Variants in NCKAP5 observed in about 807,000 individuals in gnomAD.
NCKAP5 encodes nck-associated protein 5.
A neutral mutation model predicts 167.0 loss-of-function variants in NCKAP5; 92 were observed. That is an observed-to-expected ratio of 0.55 (90% CI 0.47 to 0.66). The LOEUF is 0.66. NCKAP5 is among the 30% of genes least tolerant of loss of function. The pLI is 0.00. For synonymous variants in NCKAP5, 891 were observed against 877.4 expected (o/e 1.02, Z -0.27); for missense variants, 2,378 against 2,315.0 (o/e 1.03, Z -0.56).
intron 19 of NCKAP5, among the ~76,000 whole-genome samples, chr2:132,717,462 CT>C (rs1175207320): frequency 6.6e-6 from 1 of 152,166 alleles, no homozygotes; most frequent in East Asian, 1.9e-4. Flanking sequence ...ATAGATGCAA[CT>C]TTGTGTGAAT....
At chr2:133,094,094 T>G (rs2081273327) in intron 6 of NCKAP5, among the ~76,000 whole-genome samples, 1 of 152,222 alleles carries the variant, frequency 6.6e-6, no homozygotes, top group Non-Finnish European at 1.5e-5. Flanking sequence ...CAATGGCTAT[T>G]TGCCAAGCAA....
At chr2:133,220,683 TA>T (rs968605522) in intron 4 of NCKAP5, among the ~76,000 whole-genome samples, 2 of 151,130 alleles carry the variant, frequency 1.3e-5, no homozygotes, top group African/African-American at 2.4e-5. Context: ...TTTGCATGTT[TA>T]AAAAAAAAGC....
intron 12 of NCKAP5, among the ~76,000 whole-genome samples, chr2:132,794,006 G>A (rs921005130): frequency 4.0e-5 from 6 of 151,398 alleles, no homozygotes; most frequent in African/African-American, 1.5e-4. Flanking sequence ...GAACTCCAAG[G>A]CCATTTATGA....
At chr2:132,820,491 G>A (rs1036338230) in intron 11 of NCKAP5, among the ~76,000 whole-genome samples, 1 of 151,922 alleles carries the variant, frequency 6.6e-6, no homozygotes, top group African/African-American at 2.4e-5. Flanking sequence ...GCCTCCCAAA[G>A]TGCTGGGATT....
intron 3 of NCKAP5, among the ~76,000 whole-genome samples, chr2:133,319,361 T>C (rs888254222): frequency 1.2e-4 from 19 of 152,314 alleles, no homozygotes; most frequent in African/African-American, 4.3e-4. Context: ...GCTGCCCTGC[T>C]GTGAAGCCTA....
rs771116757 is a variant in NCKAP5, at chr2:132,784,936, T to G, written c.1875A>C (p.Lys625Asn). ...ENLDVLVGFGKSLCGSPEEEE... is the reference protein window; with the variant it reads ...ENLDVLVGFGNSLCGSPEEEE... ...CCTCTTCAGGAGACCCACATAGAGA[T>G]TTTCCAAACCCCACAAGGACATCCA... The change falls in exon 14 of 20, where the codon AAA (lysine) becomes AAC (asparagine). Residue 625 changes from lysine (K) to asparagine (N), a missense_variant. By Grantham distance (94) the Lys-to-Asn change is moderately conservative. Coordinates refer to ENST00000409261, the MANE Select transcript of NCKAP5 (RefSeq NM_207363.3). 4 of 1,599,040 alleles carry G rather than the reference T, an allele frequency of 2.5e-6. No homozygotes were observed. Among genetic ancestry groups the G allele is most frequent in the Non-Finnish European group, 2.6e-6 (3 of 1,172,294 alleles).
At chr2:132,729,705 A>C (rs541746403) in intron 17 of NCKAP5, among the ~76,000 whole-genome samples, 1 of 152,244 alleles carries the variant, frequency 6.6e-6, no homozygotes, top group South Asian at 2.1e-4. Context: ...CTACCCATGA[A>C]AGTAGATTAA....
chr2:132,952,632 G>A (rs927653363), intron 8 of NCKAP5, among the ~76,000 whole-genome samples: 6 of 152,128 alleles, frequency 3.9e-5, no homozygotes, highest in Non-Finnish European at 5.9e-5. Context: ...AGGAATCTTC[G>A]GCTGCCTATT....
intron 16 of NCKAP5, among the ~76,000 whole-genome samples, chr2:132,765,981 G>A (rs1448132779): frequency 6.6e-6 from 1 of 152,028 alleles, no homozygotes; most frequent in Non-Finnish European, 1.5e-5. Flanking sequence ...CTTCGGGAAT[G>A]AAAATCATGA....
chr2:132,688,197 G>C (rs1411920867), intron 19 of NCKAP5, among the ~76,000 whole-genome samples: 1 of 152,028 alleles, frequency 6.6e-6, no homozygotes, highest in Non-Finnish European at 1.5e-5. Flanking sequence ...GTAAGAGGTT[G>C]GTACATTCTG....
chr2:133,379,123 C>T (rs950783786), intron 3 of NCKAP5, among the ~76,000 whole-genome samples: 5 of 152,166 alleles, frequency 3.3e-5, no homozygotes, highest in Admixed American at 1.3e-4. Flanking sequence ...GTGCCTAATG[C>T]AAAACAGGGT....
chr2:132,935,564 G>T (rs1008233432), intron 8 of NCKAP5, among the ~76,000 whole-genome samples: 2 of 152,116 alleles, frequency 1.3e-5, no homozygotes, highest in African/African-American at 2.4e-5. Context: ...GAAAACACAC[G>T]GTATGTTCAG....
intron 5 of NCKAP5, among the ~76,000 whole-genome samples, chr2:133,154,188 T>A (rs2083488219): frequency 6.6e-6 from 1 of 152,188 alleles, no homozygotes. Flanking sequence ...TAAATGAGCA[T>A]CTCTTTCTTC....
chr2:132,794,251 TATATATATATATAG>T (rs1303862566), intron 12 of NCKAP5, among the ~76,000 whole-genome samples: 22 of 58,838 alleles, frequency 3.7e-4, no homozygotes, highest in African/African-American at 1.3e-3. Context: ...TATATATATA[TATATATATATATAG>T]AGAGAGAGAG....
intron 6 of NCKAP5, among the ~76,000 whole-genome samples, chr2:132,995,286 T>C (rs2077560760): frequency 6.6e-6 from 1 of 152,194 alleles, no homozygotes; most frequent in Admixed American, 6.5e-5. Context: ...TCTTAAAACA[T>C]AAACATGTAT....
chr2:133,357,657 C>T (rs1684831201), intron 3 of NCKAP5, among the ~76,000 whole-genome samples: 1 of 152,168 alleles, frequency 6.6e-6, no homozygotes, highest in South Asian at 2.1e-4. Context: ...AGAAAGGTTT[C>T]TGCTTTAGAA....
At chr2:133,091,715 G>C (rs533476206) in intron 6 of NCKAP5, among the ~76,000 whole-genome samples, 1 of 151,982 alleles carries the variant, frequency 6.6e-6, no homozygotes, top group African/African-American at 2.4e-5. Context: ...GTGAAAACCC[G>C]TCTCTACCAA....
the NCKAP5 span, among the ~76,000 whole-genome samples, chr2:133,672,679 C>T: frequency 6.6e-6 from 1 of 152,074 alleles, no homozygotes; most frequent in Non-Finnish European, 1.5e-5. Context: ...ACAAAAGCAG[C>T]CATAGATAAT....
chr2:133,359,114 T>C (rs1030401178), intron 3 of NCKAP5, among the ~76,000 whole-genome samples: 7 of 152,244 alleles, frequency 4.6e-5, no homozygotes, highest in African/African-American at 1.7e-4. Context: ...GAAAGATTTA[T>C]GAAAGAAACA....
Sources: gnomAD v4.1 joint callset for allele counts (sites outside exome capture counted in the v4.1 genomes callset) on GRCh38, gnomAD v4.1.1 for gene constraint, MANE v1.5 for transcripts, NCBI Gene and HGNC (gene_info 2026-07-23, HGNC 2026-07-21) for gene names.